Variants in SYNE1 observed in about 807,000 individuals in gnomAD.
SYNE1 encodes nesprin-1.
In SYNE1, 616 loss-of-function variants were observed where a neutral mutation model predicts 1,111.0. The observed-to-expected ratio is 0.55, with a 90% CI of 0.52 to 0.59. The LOEUF (loss-of-function observed/expected upper bound fraction) is 0.59. Ranked by LOEUF, SYNE1 falls within the 20% of genes least tolerant of loss-of-function variation. SYNE1 has a pLI of 0.00. For missense variants in SYNE1, 10,006 were observed against 10,417.0 expected (o/e 0.96, Z 1.72); for synonymous variants, 3,855 against 3,825.8 (o/e 1.01, Z -0.28).
At chr6:152,342,449 T>C (rs979549273) in intron 74 of SYNE1, among the ~76,000 whole-genome samples, 3 of 152,220 alleles carry the variant, frequency 2.0e-5, no homozygotes, top group South Asian at 2.1e-4. Flanking sequence ...GAGAACTATG[T>C]TTCATTTGTC....
intron 127 of SYNE1, among the ~76,000 whole-genome samples, chr6:152,193,022 T>C (rs1285035558): frequency 2.0e-5 from 3 of 152,188 alleles, no homozygotes; most frequent in African/African-American, 7.2e-5. Context: ...ATCCATTTAG[T>C]CACTCAATGT....
In SYNE1 at chr6:152,155,891, T is replaced by C. The variant is rs1204335178; in HGVS notation, c.23978+19A>G. On this transcript the variant is annotated intron_variant, in intron 132 of 145. Coordinates refer to ENST00000367255, the MANE Select transcript of SYNE1 (RefSeq NM_182961.4). ...TTTGGTCTTTCCTCTTCCCTATCTG[T>C]TTCAGCATCCCAGCTCACTTCAGCC... The C allele has an allele frequency of 1.9e-6, 3 of 1,613,562 alleles. No individual in the cohort carries two copies. The East Asian group carries it at 6.7e-5, about 36-fold the overall frequency.
intron 11 of SYNE1, among the ~76,000 whole-genome samples, chr6:152,490,639 C>A (rs1002226955): frequency 2.0e-5 from 3 of 152,144 alleles, no homozygotes; most frequent in Admixed American, 6.5e-5. Context: ...TGCCCCACCC[C>A]TATCTACCTT....
chr6:152,162,232 A>G lies in SYNE1; in HGVS notation c.23790+1931T>C, dbSNP rs554743500. On this transcript the variant is annotated intron_variant, in intron 131 of 145. Coordinates refer to ENST00000367255, the MANE Select transcript of SYNE1 (RefSeq NM_182961.4). Reference sequence around the variant, plus strand: ...TCTCCACTTTCTGAGCCTTCTTCGAACTCTGTGGCATGAATCAACTTTCTC... The same window carrying G: ...TCTCCACTTTCTGAGCCTTCTTCGAGCTCTGTGGCATGAATCAACTTTCTC... 3.9e-5 allele frequency among the ~76,000 whole-genome samples: 6 copies of G among 152,178 alleles called. No individual in the cohort carries two copies. The East Asian group carries it at 9.7e-4, about 24-fold the overall frequency.
intron 3 of SYNE1, chr6:152,546,264 T>C (rs957636187): frequency 1.3e-5 from 2 of 152,194 alleles, no homozygotes; most frequent in East Asian, 1.9e-4. Context: ...GATTTTAAAA[T>C]TGAATATATA....
At chr6:152,164,020 G>A (rs973079419) in intron 131 of SYNE1, 143 bp downstream of exon 131, 7 of 1,137,582 alleles carry the variant, frequency 6.2e-6, no homozygotes, top group East Asian at 2.4e-5. Flanking sequence ...GCCTGCCTAG[G>A]CAAAGCCCCC....
At chr6:152,459,067 T>A in intron 21 of SYNE1, 137 bp from the exon 22 acceptor site, 1 of 814,490 alleles carries the variant, frequency 1.2e-6, no homozygotes, top group Non-Finnish European at 2.0e-6. Flanking sequence ...GACATTTCTT[T>A]AATGATATTT....
At chr6:152,558,587 AG>A (rs2099383577) in intron 3 of SYNE1, among the ~76,000 whole-genome samples, 1 of 152,224 alleles carries the variant, frequency 6.6e-6, no homozygotes, top group Admixed American at 6.5e-5. Context: ...CACTGTCAAA[AG>A]AGACAAAGAA....
chr6:152,395,777 T>G (rs890245212), intron 50 of SYNE1, 106 bp from the exon 51 acceptor site: 1 of 1,205,682 alleles, frequency 8.3e-7, no homozygotes, highest in Non-Finnish European at 1.2e-6. Context: ...TAAGACCTCA[T>G]GAATGTTCAA....
At chr6:152,322,060 T>C (rs543734380) in intron 82 of SYNE1, among the ~76,000 whole-genome samples, 174 bp from the exon 83 acceptor site, 15 of 152,246 alleles carry the variant, frequency 9.9e-5, no homozygotes, top group Admixed American at 3.3e-4. Context: ...AAATGTCATA[T>C]AAAGTAAATA....
intron 3 of SYNE1, among the ~76,000 whole-genome samples, chr6:152,542,746 T>C (rs2099277686): frequency 2.0e-5 from 3 of 152,104 alleles, no homozygotes; most frequent in Non-Finnish European, 4.4e-5. Context: ...AATTATAAAT[T>C]TATAGTTCAA....
In SYNE1 at chr6:152,301,873, A is replaced by G. The variant is rs776711380; in HGVS notation, c.17537T>C (p.Val5846Ala). ...LPTPSAHPSV[V>A]MMTAGRCHTL... The stretch of plus-strand genomic sequence containing the variant: ...GGGGACCCACTGGATCCTTACCATG[A>G]CCACAGAGGGGTGGGCCGAAGGCGT... Residue 5846 changes from valine to alanine, a missense_variant, in exon 92 of 146, where the codon GTC becomes GCC. Val to Ala is a moderately conservative substitution (Grantham distance 64). Coordinates refer to ENST00000367255, the MANE Select transcript of SYNE1 (RefSeq NM_182961.4). 1 of 1,610,720 alleles carries G rather than the reference A, an allele frequency of 6.2e-7. No homozygotes were observed. The highest frequency in any genetic ancestry group is 1.1e-5 in the South Asian group (1 of 91,016).
At chr6:152,453,478 C>T in intron 25 of SYNE1, 108 bp downstream of exon 25, 3 of 1,543,484 alleles carry the variant, frequency 1.9e-6, no homozygotes, top group South Asian at 1.1e-5. Context: ...GAAATAGTTA[C>T]AGTGACTTTC....
chr6:152,234,405 C>T (rs1238667501), intron 111 of SYNE1, among the ~76,000 whole-genome samples: 1 of 152,158 alleles, frequency 6.6e-6, no homozygotes, highest in Non-Finnish European at 1.5e-5. Flanking sequence ...AGCGATTCTC[C>T]TGCCTCAGCC....
intron 116 of SYNE1, 27 bp downstream of exon 116, chr6:152,225,694 G>A: frequency 6.2e-7 from 1 of 1,613,996 alleles, no homozygotes; most frequent in South Asian, 1.1e-5. Context: ...CACGGTCCTG[G>A]AGCTGGCTTT....
At chr6:152,315,361 C>A (rs1032272077) in intron 87 of SYNE1, 1 of 151,962 alleles carries the variant, frequency 6.6e-6, no homozygotes, top group Non-Finnish European at 1.5e-5. Context: ...ACCACCATGC[C>A]CAGCTAACTT....
Position 152,165,162 on chromosome 6 carries a change from A to C in SYNE1, c.23628-837T>G, listed in dbSNP as rs547108924. On this transcript the variant is annotated intron_variant, in intron 130 of 145. Coordinates refer to ENST00000367255, the MANE Select transcript of SYNE1 (RefSeq NM_182961.4). The stretch of plus-strand genomic sequence containing the variant: ...CACACAGTCAGTGGAGGGTGCTTTC[A>C]AACCACAGGTGCCAACTACCAGCCA... Among the ~76,000 whole-genome samples, 303 of 150,968 alleles carry C rather than the reference A, an allele frequency of 2.0e-3. 1 individual carries two copies. The highest frequency in any genetic ancestry group is 3.4e-3 in the Admixed American group (52 of 15,088).
intron 4 of SYNE1, among the ~76,000 whole-genome samples, chr6:152,526,535 G>T (rs532660765): frequency 6.6e-6 from 1 of 152,198 alleles, no homozygotes; most frequent in Non-Finnish European, 1.5e-5. Context: ...ATAGCAGGAC[G>T]TAAAAGCAGA....
At chr6:152,566,985 CTGTGTGTGTGTGTGTG>C (rs59526151) in intron 3 of SYNE1, among the ~76,000 whole-genome samples, 1 of 146,552 alleles carries the variant, frequency 6.8e-6, no homozygotes, top group African/African-American at 2.5e-5. Context: ...TCTTCACATA[CTGTGTGTGTGTGTGTG>C]TGTGTGTGTG....
Sources: gnomAD v4.1 joint callset for allele counts (sites outside exome capture counted in the v4.1 genomes callset) on GRCh38, gnomAD v4.1.1 for gene constraint, MANE v1.5 for transcripts, NCBI Gene and HGNC (gene_info 2026-07-23, HGNC 2026-07-21) for gene names.